EGFR: variants seen among roughly 807,000 people sequenced by gnomAD.
The protein encoded by EGFR is epidermal growth factor receptor, also known as avian erythroblastic leukemia viral (v-erb-b) oncogene homolog.
A neutral mutation model predicts 143.0 loss-of-function variants in EGFR; 58 were observed. The observed-to-expected ratio is 0.41, with a 90% CI of 0.33 to 0.50. The LOEUF is 0.50. Ranked by LOEUF, EGFR falls within the 20% of genes least tolerant of loss-of-function variation. The pLI, the probability that EGFR is intolerant of heterozygous loss-of-function variation, is 0.39. For missense variants in EGFR, 1,307 were observed against 1,579.0 expected (o/e 0.83, Z 2.92); for synonymous variants, 613 against 594.4 (o/e 1.03, Z -0.45).
chr7:55,069,306 T>C (rs1352167901), intron 1 of EGFR, among the ~76,000 whole-genome samples: 2 of 152,208 alleles, frequency 1.3e-5, no homozygotes, highest in African/African-American at 4.8e-5. Flanking sequence ...AAATGAGTCG[T>C]TGATGATCCT....
At chr7:55,151,046 G>A (rs563746759) in intron 4 of EGFR, among the ~76,000 whole-genome samples, 2 of 152,290 alleles carry the variant, frequency 1.3e-5, no homozygotes, top group South Asian at 4.1e-4. Context: ...TGCTTATGTG[G>A]CCCATGTCAG....
intron 3 of EGFR, among the ~76,000 whole-genome samples, chr7:55,145,200 C>T (rs1057298342): frequency 6.6e-6 from 1 of 152,180 alleles, no homozygotes; most frequent in Admixed American, 6.5e-5. Flanking sequence ...TCTGTGCTCT[C>T]CTCGCCCCGC....
chr7:55,132,333 A>G (rs1327161282), intron 1 of EGFR, among the ~76,000 whole-genome samples: 1 of 152,222 alleles, frequency 6.6e-6, no homozygotes. Flanking sequence ...CTTGCAAATT[A>G]CATATCTGTT....
At chr7:55,029,086 A>G (rs1306448269) in intron 1 of EGFR, among the ~76,000 whole-genome samples, 1 of 152,100 alleles carries the variant, frequency 6.6e-6, no homozygotes, top group Non-Finnish European at 1.5e-5. Context: ...TTAAACCTGG[A>G]AGGCAGGGGT....
At chr7:55,167,810 T>C (rs1288841462) in intron 15 of EGFR, among the ~76,000 whole-genome samples, 1 of 152,166 alleles carries the variant, frequency 6.6e-6, no homozygotes, top group Non-Finnish European at 1.5e-5. Context: ...AACAGTGATA[T>C]CTTAATATCT....
rs17290162 is a variant in EGFR at position 55,165,345 on chromosome 7, G to T, written c.1788G>T (p.Pro596=). 8.1e-6 allele frequency: 13 copies of T among 1,614,012 alleles called. No homozygotes were observed. Among genetic ancestry groups the T allele is most frequent in the Non-Finnish European group, 1.1e-5 (13 of 1,180,040 alleles). ...IDGPHCVKTC[P]AGVMGENNTL... is the part of the protein sequence containing the mutation. ...GCCCCCACTGCGTCAAGACCTGCCC[G>T]GCAGGAGTCATGGGAGAAAACAACA... The change falls in exon 15 of 28, where the codon CCG becomes CCT. Residue 596 remains proline, a synonymous_variant. Transcript: ENST00000275493.
chr7:55,188,190 C>T (rs1002803724), intron 20 of EGFR, among the ~76,000 whole-genome samples: 8 of 152,336 alleles, frequency 5.3e-5, no homozygotes, highest in African/African-American at 1.4e-4. Context: ...ACCAGAACCA[C>T]GCGGCCTTCT....
intron 1 of EGFR, among the ~76,000 whole-genome samples, chr7:55,129,911 C>CA (rs1793737254): frequency 6.6e-6 from 1 of 152,186 alleles, no homozygotes; most frequent in Admixed American, 6.5e-5. Context: ...CAGGGGCTGG[C>CA]AAAGCACAAC....
intron 1 of EGFR, among the ~76,000 whole-genome samples, chr7:55,076,460 C>T (rs17289218): frequency 0.014 from 2,087 of 152,284 alleles, 38 homozygotes; most frequent in African/African-American, 0.047. Flanking sequence ...TTAATGATTA[C>T]AATTTTTAGG....
intron 1 of EGFR, among the ~76,000 whole-genome samples, chr7:55,136,285 C>T (rs17336282): frequency 0.24 from 36,446 of 152,084 alleles, 4,657 homozygotes; most frequent in Admixed American, 0.29. Context: ...AAAAAATCCT[C>T]CTCTGGCCTT....
At chr7:55,200,096 C>A (rs1360973919) in intron 23 of EGFR, among the ~76,000 whole-genome samples, 2 of 152,178 alleles carry the variant, frequency 1.3e-5, no homozygotes, top group Non-Finnish European at 2.9e-5. Context: ...AACTAGAGGG[C>A]ATTATTGTTA....
chr7:55,019,979 G>T (rs1485690185), intron 1 of EGFR, among the ~76,000 whole-genome samples: 1 of 152,190 alleles, frequency 6.6e-6, no homozygotes, highest in African/African-American at 2.4e-5. Flanking sequence ...GCCTGGCCCC[G>T]GCCCCTCTCC....
chr7:55,179,840 T>A (rs1274467177), intron 19 of EGFR: 1 of 152,240 alleles, frequency 6.6e-6, no homozygotes, highest in Non-Finnish European at 1.5e-5. Context: ...GCATTTGCAC[T>A]GTATTAGGTA....
chr7:55,099,433 A>G (rs1314245112), intron 1 of EGFR, among the ~76,000 whole-genome samples: 2 of 152,248 alleles, frequency 1.3e-5, no homozygotes, highest in Non-Finnish European at 2.9e-5. Context: ...GTGATGGTGC[A>G]AGCCCTGATG....
chr7:55,065,949 C>A (rs921595609), intron 1 of EGFR, among the ~76,000 whole-genome samples: 3 of 151,792 alleles, frequency 2.0e-5, no homozygotes, highest in Non-Finnish European at 2.9e-5. Context: ...TGGAGAAGGC[C>A]TCCTGAAGCC....
chr7:55,173,114 AG>A lies in EGFR; in HGVS notation c.2053del (p.Glu685ArgfsTer20). On this transcript the variant is annotated frameshift_variant, in exon 17 of 28. Transcript: ENST00000275493. LOFTEE classifies it high-confidence loss of function. ...AAGCGCACGCTGCGGAGGCTGCTGCAGGAGAGGGAGGTGAGTGCCAGTCCTG... is the reference window on the plus strand; with the variant it reads ...AAGCGCACGCTGCGGAGGCTGCTGCAGAGAGGGAGGTGAGTGCCAGTCCTG... Reference protein sequence around the residue: ...VRKRTLRRLLQERELVEPLTP... With the variant: ...VRKRTLRRLLXERELVEPLTP... The A allele has an allele frequency of 6.2e-7, 1 of 1,610,586 alleles. No individual in the cohort carries two copies. Among genetic ancestry groups the A allele is most frequent in the Non-Finnish European group, 8.5e-7 (1 of 1,179,948 alleles).
At chr7:55,073,711 G>A (rs1211935820) in intron 1 of EGFR, among the ~76,000 whole-genome samples, 1 of 152,176 alleles carries the variant, frequency 6.6e-6, no homozygotes, top group Non-Finnish European at 1.5e-5. Flanking sequence ...GGAGTCCCCT[G>A]AATCTCGTTC....
At chr7:55,097,509 G>A (rs1791550568) in intron 1 of EGFR, among the ~76,000 whole-genome samples, 1 of 152,178 alleles carries the variant, frequency 6.6e-6, no homozygotes, top group Non-Finnish European at 1.5e-5. Context: ...CAATAATACT[G>A]AAGCCCCTTC....
At position 55,117,662 on chromosome 7, in the gene EGFR, C is replaced by T. The variant is rs905777602; in HGVS notation, c.89-24624C>T. ...CATACTGCTGCGATCAAGTCCTAGG[C>T]GGTATTCCCTTCTGCGCCATAGACC... On this transcript the variant is annotated intron_variant, in intron 1 of 27. Transcript: ENST00000275493. Among the ~76,000 whole-genome samples, 6 of 152,306 alleles carry T rather than the reference C, an allele frequency of 3.9e-5. No individual in the cohort carries two copies. The East Asian group carries it at 5.8e-4, about 15-fold the overall frequency.
Sources: allele counts gnomAD v4.1 joint callset (sites outside exome capture counted in the v4.1 genomes callset), GRCh38; gene constraint gnomAD v4.1.1; transcripts MANE v1.5; gene names NCBI Gene and HGNC (gene_info 2026-07-23, HGNC 2026-07-21).